SYT1: variants seen among roughly 807,000 people sequenced by gnomAD.
SYT1 encodes the protein synaptotagmin-1.
A neutral mutation model predicts 44.8 loss-of-function variants in SYT1; 8 were observed. The ratio of observed to expected loss-of-function variants is 0.18; its 90% confidence interval spans 0.10 to 0.32. The LOEUF (loss-of-function observed/expected upper bound fraction) is 0.32, where lower values mean the gene tolerates loss of function less well. Ranked by LOEUF, SYT1 falls within the 10% of genes least tolerant of loss-of-function variation. The pLI is 1.00. For missense variants in SYT1, 286 were observed against 509.3 expected (o/e 0.56, Z 4.22); for synonymous variants, 154 against 188.8 (o/e 0.82, Z 1.51).
At chr12:79,431,012 C>T (rs1244382473) in intron 9 of SYT1, among the ~76,000 whole-genome samples, 1 of 152,202 alleles carries the variant, frequency 6.6e-6, no homozygotes, top group Non-Finnish European at 1.5e-5. Flanking sequence ...GAATTCTGTA[C>T]CACAAAGTTA....
intron 3 of SYT1, among the ~76,000 whole-genome samples, chr12:79,128,338 AG>A (rs1868574226): frequency 6.6e-6 from 1 of 152,138 alleles, no homozygotes; most frequent in Non-Finnish European, 1.5e-5. Context: ...GGCTGCAGTG[AG>A]CCACAGCACT....
chr12:79,323,212 G>A (rs934364628), intron 8 of SYT1, among the ~76,000 whole-genome samples: 7 of 151,788 alleles, frequency 4.6e-5, no homozygotes, highest in Non-Finnish European at 1.0e-4. Flanking sequence ...ACAAACAATG[G>A]TAACAGCACT....
intron 3 of SYT1, among the ~76,000 whole-genome samples, chr12:79,105,961 A>G (rs1878696223): frequency 6.6e-6 from 1 of 152,088 alleles, no homozygotes; most frequent in Non-Finnish European, 1.5e-5. Flanking sequence ...AAGACATTGT[A>G]GAGGTTAACT....
intron 4 of SYT1, among the ~76,000 whole-genome samples, chr12:79,275,452 G>A (rs963300336): frequency 6.6e-6 from 1 of 152,106 alleles, no homozygotes; most frequent in Admixed American, 6.5e-5. Context: ...GTTCAGGCTT[G>A]CAAGAGGGGT....
chr12:79,099,390 A>G (rs1878320446), intron 3 of SYT1, among the ~76,000 whole-genome samples: 1 of 152,188 alleles, frequency 6.6e-6, no homozygotes, highest in African/African-American at 2.4e-5. Context: ...TTTGGAATAA[A>G]CATATGCCTG....
chr12:79,162,058 A>G (rs1870982226), intron 3 of SYT1, among the ~76,000 whole-genome samples: 1 of 152,094 alleles, frequency 6.6e-6, no homozygotes, highest in African/African-American at 2.4e-5. Context: ...CTGTATTTTG[A>G]CTGAAACATG....
At position 79,449,469 on chromosome 12, in the gene SYT1, T is replaced by C. The variant is rs1388724695; in HGVS notation, c.*345T>C. 2 of 234,464 alleles carry C rather than the reference T, an allele frequency of 8.5e-6. No individual in the cohort carries two copies. The highest frequency in any genetic ancestry group is 2.3e-5 in the African/African-American group (1 of 43,584). The allele number at this position is 234,464 out of a possible 1,614,324, so 14.5% of individuals were successfully genotyped here. ...TGTTGTAAGCGTTTCCTAATCTGTG[T>C]ATATCTAGATGTTTTTAATAAGATG... On this transcript the variant is annotated 3_prime_UTR_variant, in exon 11 of 11. Coordinates refer to ENST00000261205, the MANE Select transcript of SYT1 (RefSeq NM_005639.3).
At chr12:79,441,425 C>T (rs1870410774) in intron 9 of SYT1, among the ~76,000 whole-genome samples, 1 of 152,056 alleles carries the variant, frequency 6.6e-6, no homozygotes, top group African/African-American at 2.4e-5. Context: ...AAGCAATTCT[C>T]CTGCCTCACC....
rs150850204 is a variant in SYT1 at position 79,038,801 on chromosome 12, C to A, written c.-83-8496C>A. Reference sequence around the variant, plus strand: ...AGCCATGGAACAAGGATTCACAGTGCCCTCTTTAAAGCCAATCCTAAATAA... The same window carrying A: ...AGCCATGGAACAAGGATTCACAGTGACCTCTTTAAAGCCAATCCTAAATAA... On this transcript the variant is annotated intron_variant, in intron 2 of 10. Coordinates refer to ENST00000261205, the MANE Select transcript of SYT1 (RefSeq NM_005639.3). Among the ~76,000 whole-genome samples the A allele has an allele frequency of 2.8e-3, 430 of 152,014 alleles. 2 individuals carry two copies. Among genetic ancestry groups the A allele is most frequent in the African/African-American group, 9.9e-3 (410 of 41,500 alleles).
At chr12:79,443,707 T>A (rs998548125) in intron 9 of SYT1, among the ~76,000 whole-genome samples, 1 of 152,190 alleles carries the variant, frequency 6.6e-6, no homozygotes, top group African/African-American at 2.4e-5. Flanking sequence ...AACGGTTAAT[T>A]TTTCAGGGAT....
intron 4 of SYT1, among the ~76,000 whole-genome samples, chr12:79,250,031 C>T (rs1383895658): frequency 6.6e-6 from 1 of 152,090 alleles, no homozygotes; most frequent in African/African-American, 2.4e-5. Context: ...TTACTTGAAT[C>T]ATCTTAATTA....
chr12:79,009,046 CCTT>C (rs1871262489), intron 2 of SYT1, among the ~76,000 whole-genome samples: 1 of 152,102 alleles, frequency 6.6e-6, no homozygotes, highest in Admixed American at 6.6e-5. Flanking sequence ...CATTTAGTGG[CCTT>C]CCATCAAATT....
intron 1 of SYT1, among the ~76,000 whole-genome samples, chr12:78,912,758 T>C (rs1472381900): frequency 6.6e-6 from 1 of 151,906 alleles, no homozygotes; most frequent in Admixed American, 6.6e-5. Flanking sequence ...GTAGGACATC[T>C]AAGTGTTCAT....
intron 3 of SYT1, among the ~76,000 whole-genome samples, chr12:79,148,823 C>A (rs1260510970): frequency 1.3e-5 from 2 of 152,076 alleles, no homozygotes; most frequent in African/African-American, 2.4e-5. Context: ...TGATTGTAAA[C>A]CATTAATATT....
At chr12:79,173,547 T>C (rs1261335446) in intron 3 of SYT1, among the ~76,000 whole-genome samples, 3 of 151,922 alleles carry the variant, frequency 2.0e-5, no homozygotes, top group Non-Finnish European at 2.9e-5. Context: ...AGTGTTCCCA[T>C]CCTAAAAGAG....
rs188605123 is a variant in SYT1 at position 79,254,825 on chromosome 12, G to A, written c.167-30962G>A. Among the ~76,000 whole-genome samples, 14 of 152,300 alleles carry A rather than the reference G, an allele frequency of 9.2e-5. No individual in the cohort carries two copies. The East Asian group carries it at 2.7e-3, about 29-fold the overall frequency. The stretch of plus-strand genomic sequence containing the variant: ...GAAGTTAAATGCAGATGTGATAATG[G>A]CAAGAGAACTAGAATTAGAAGTGGA... On this transcript the variant is annotated intron_variant, in intron 4 of 10. Coordinates refer to ENST00000261205, the MANE Select transcript of SYT1 (RefSeq NM_005639.3).
chr12:79,157,263 C>T (rs762947987), intron 3 of SYT1, among the ~76,000 whole-genome samples: 3 of 152,160 alleles, frequency 2.0e-5, no homozygotes, highest in Non-Finnish European at 4.4e-5. Context: ...GCACCACATC[C>T]TATAGGCATG....
chr12:78,865,564 T>TGG (rs56184328), intron 1 of SYT1, among the ~76,000 whole-genome samples: 3 of 145,830 alleles, frequency 2.1e-5, no homozygotes, highest in African/African-American at 5.1e-5. Context: ...GAGAGGGATA[T>TGG]GGGGGGGGGG....
chr12:79,270,587 C>T (rs1247417145), intron 4 of SYT1, among the ~76,000 whole-genome samples: 4 of 151,992 alleles, frequency 2.6e-5, no homozygotes, highest in African/African-American at 9.7e-5. Context: ...ATGATAAATG[C>T]CAATGGAACT....
Sources: gnomAD v4.1 joint callset for allele counts (sites outside exome capture counted in the v4.1 genomes callset) on GRCh38, gnomAD v4.1.1 for gene constraint, MANE v1.5 for transcripts, NCBI Gene and HGNC (gene_info 2026-07-23, HGNC 2026-07-21) for gene names.